CYP7B1: variants seen among roughly 807,000 people sequenced by gnomAD.
CYP7B1 encodes the protein cytochrome P450 family 7 subfamily B member 1, also known as cytochrome P450 7B1.
In CYP7B1, 29 loss-of-function variants were observed where a neutral mutation model predicts 42.7. The ratio of observed to expected loss-of-function variants is 0.68; its 90% CI spans 0.51 to 0.93. The LOEUF (loss-of-function observed/expected upper bound fraction) is 0.93. CYP7B1 is among the 40% of genes least tolerant of loss of function. The pLI, the probability that CYP7B1 is intolerant of heterozygous loss-of-function variation, is 0.00. For missense variants in CYP7B1, 655 were observed against 600.5 expected (o/e 1.09, Z -0.95); for synonymous variants, 235 against 218.2 (o/e 1.08, Z -0.68).
At chr8:64,675,299 T>C (rs1026557016) in intron 1 of CYP7B1, among the ~76,000 whole-genome samples, 1 of 152,048 alleles carries the variant, frequency 6.6e-6, no homozygotes, top group Admixed American at 6.6e-5. Flanking sequence ...ATTGTAACAG[T>C]AAAGAAAACT....
At chr8:64,622,331 C>T (rs1237341633) in intron 2 of CYP7B1, among the ~76,000 whole-genome samples, 3 of 152,134 alleles carry the variant, frequency 2.0e-5, no homozygotes. Context: ...ACATAAACTT[C>T]CAAGGCTGGT....
At chr8:64,669,051 A>G (rs1806325579) in intron 1 of CYP7B1, among the ~76,000 whole-genome samples, 1 of 152,194 alleles carries the variant, frequency 6.6e-6, no homozygotes, top group South Asian at 2.1e-4. Context: ...GTATTAGCTT[A>G]TCTTCAACAT....
At chr8:64,779,444 T>TAG (rs149589348) in intron 1 of CYP7B1, among the ~76,000 whole-genome samples, 10,164 of 152,108 alleles carry the variant, frequency 0.067, 340 homozygotes, top group African/African-American at 0.097. Flanking sequence ...ACTATATACT[T>TAG]ACTGTAAAAA....
intron 1 of CYP7B1, among the ~76,000 whole-genome samples, chr8:64,708,085 C>T (rs1318431606): frequency 6.6e-6 from 1 of 152,150 alleles, no homozygotes. Flanking sequence ...TTCTTTTCTT[C>T]CTTGCCTGGT....
At chr8:64,628,214 G>A (rs559146377) in intron 1 of CYP7B1, among the ~76,000 whole-genome samples, 2 of 152,246 alleles carry the variant, frequency 1.3e-5, no homozygotes, top group East Asian at 3.9e-4. Flanking sequence ...ACAAATTTGA[G>A]CTTATACAGG....
At chr8:64,739,560 T>C (rs991901791) in intron 1 of CYP7B1, among the ~76,000 whole-genome samples, 2 of 152,174 alleles carry the variant, frequency 1.3e-5, no homozygotes, top group Admixed American at 6.5e-5. Context: ...GAATAGGCCA[T>C]GAAAGAATTG....
chr8:64,635,977 G>C (rs1805763718), intron 1 of CYP7B1, among the ~76,000 whole-genome samples: 1 of 152,208 alleles, frequency 6.6e-6, no homozygotes, highest in Non-Finnish European at 1.5e-5. Context: ...GAACTTTGTT[G>C]TTGTTGTTGT....
At chr8:64,677,758 T>C (rs928782546) in intron 1 of CYP7B1, among the ~76,000 whole-genome samples, 1 of 147,810 alleles carries the variant, frequency 6.8e-6, no homozygotes, top group Non-Finnish European at 1.5e-5. Flanking sequence ...TTAAGATCTA[T>C]GTTTTAAAAT....
rs557294361 is a variant in CYP7B1, at chr8:64,764,324, A to T, written c.122+34142T>A. On this transcript the variant is annotated intron_variant, in intron 1 of 5. Coordinates refer to ENST00000310193, the MANE Select transcript of CYP7B1 (RefSeq NM_004820.5). ...AGAACTGATAACCCAGTACTTTAAC[A>T]ACTGGAACTGGGTCTACAACAACAT... Among the ~76,000 whole-genome samples the T allele has an allele frequency of 3.3e-5, 5 of 150,050 alleles. No individual in the cohort carries two copies. The East Asian group carries it at 9.8e-4, about 30-fold the overall frequency.
At chr8:64,679,939 TTGGCAAAATTATAAATA>T (rs1459499021) in intron 1 of CYP7B1, among the ~76,000 whole-genome samples, 1 of 152,180 alleles carries the variant, frequency 6.6e-6, no homozygotes, top group Non-Finnish European at 1.5e-5. Flanking sequence ...ACTTATCCTC[TTGGCAAAATTATAAATA>T]TATGATACAG....
At chr8:64,763,010 T>C (rs1272308010) in intron 1 of CYP7B1, among the ~76,000 whole-genome samples, 2 of 152,170 alleles carry the variant, frequency 1.3e-5, no homozygotes, top group African/African-American at 2.4e-5. Context: ...TTCACTCTAG[T>C]AAATCTTGCA....
chr8:64,601,350 C>T (rs1243573505), intron 5 of CYP7B1, among the ~76,000 whole-genome samples: 3 of 152,142 alleles, frequency 2.0e-5, no homozygotes, highest in Non-Finnish European at 4.4e-5. Context: ...TTATATAATG[C>T]ATTGCCATCT....
intron 1 of CYP7B1, among the ~76,000 whole-genome samples, chr8:64,638,014 C>T (rs1805798455): frequency 6.6e-6 from 1 of 151,982 alleles, no homozygotes; most frequent in Admixed American, 6.6e-5. Context: ...TTCTAATTTC[C>T]CAAAGTTCTC....
At chr8:64,679,500 C>T (rs1269419523) in intron 1 of CYP7B1, among the ~76,000 whole-genome samples, 3 of 152,142 alleles carry the variant, frequency 2.0e-5, no homozygotes, top group Non-Finnish European at 4.4e-5. Flanking sequence ...TCAGTAAATC[C>T]TATCAGAGAC....
At chr8:64,672,561 T>C (rs1806382585) in intron 1 of CYP7B1, among the ~76,000 whole-genome samples, 1 of 152,102 alleles carries the variant, frequency 6.6e-6, no homozygotes, top group Non-Finnish European at 1.5e-5. Flanking sequence ...CTATCTGATG[T>C]GTGTGTATTT....
In CYP7B1 at chr8:64,677,438, CAAAAAAAAAAAAAA is replaced by C. The variant is rs148821778; in HGVS notation, c.123-52913_123-52900del. Reference sequence around the variant, plus strand: ...AGATAAACGGCACATATTTAGGAGCCAAAAAAAAAAAAAAAAAAAAAAAAAATGATTTCCTGGTG... The same window carrying C: ...AGATAAACGGCACATATTTAGGAGCCAAAAAAAAAAAATGATTTCCTGGTG... On this transcript the variant is annotated intron_variant, in intron 1 of 5. Coordinates refer to ENST00000310193, the MANE Select transcript of CYP7B1 (RefSeq NM_004820.5). 6.8e-4 allele frequency among the ~76,000 whole-genome samples: 59 copies of C among 87,288 alleles called. No individual in the cohort carries two copies. The East Asian group carries it at 0.014, about 21-fold the overall frequency. The allele number at this position is 87,288 out of a possible 152,430, so 57.3% of individuals were successfully genotyped here. A position where few individuals can be genotyped will look rare whatever the true frequency, so the allele number is the denominator to read the frequency against.
intron 1 of CYP7B1, among the ~76,000 whole-genome samples, chr8:64,781,069 T>G (rs1235014563): frequency 1.3e-5 from 2 of 152,144 alleles, no homozygotes; most frequent in African/African-American, 4.8e-5. Context: ...AAATCAATGC[T>G]AATCTGTGAC....
intron 1 of CYP7B1, among the ~76,000 whole-genome samples, chr8:64,646,579 T>C (rs564334948): frequency 2.6e-5 from 4 of 152,342 alleles, no homozygotes; most frequent in African/African-American, 7.2e-5. Context: ...TCTCTAGCTA[T>C]GAAAGCCCTA....
At chr8:64,629,460 G>A (rs989989421) in intron 1 of CYP7B1, among the ~76,000 whole-genome samples, 8 of 152,110 alleles carry the variant, frequency 5.3e-5, no homozygotes, top group East Asian at 1.9e-4. Flanking sequence ...TTAGGTGACC[G>A]AATATATGTA....
Sources: allele counts gnomAD v4.1 joint callset (sites outside exome capture counted in the v4.1 genomes callset), GRCh38; gene constraint gnomAD v4.1.1; transcripts MANE v1.5; gene names NCBI Gene and HGNC (gene_info 2026-07-23, HGNC 2026-07-21).